The following NPC1 variants were observed in gnomAD, a reference collection of about 807,000 sequenced individuals.
NPC1 encodes NPC intracellular cholesterol transporter 1.
In NPC1, 85 loss-of-function variants were observed where a neutral mutation model predicts 140.4. The ratio of observed to expected loss-of-function variants is 0.61; its 90% CI spans 0.51 to 0.72. The LOEUF (loss-of-function observed/expected upper bound fraction) is 0.72. Ranked by LOEUF, NPC1 falls within the 30% of genes least tolerant of loss-of-function variation. The pLI is 0.00. For synonymous variants in NPC1, 656 were observed against 624.8 expected (o/e 1.05, Z -0.74); for missense variants, 1,504 against 1,623.8 (o/e 0.93, Z 1.27).
chr18:23,516,117 C>G, intron 3 of NPC1: 1 of 1,459,848 alleles, frequency 6.9e-7, no homozygotes, highest in South Asian at 1.2e-5. Context: ...ACCGCTCTGA[C>G]CACTAGAGGG....
chr18:23,561,796 C>T (rs1217002716), intron 4 of NPC1, among the ~76,000 whole-genome samples: 1 of 152,170 alleles, frequency 6.6e-6, no homozygotes, highest in Admixed American at 6.5e-5. Flanking sequence ...TCATAGCTCT[C>T]ACAACAGCTT....
intron 4 of NPC1, among the ~76,000 whole-genome samples, chr18:23,564,852 T>C (rs374050225): frequency 2.5e-4 from 38 of 152,326 alleles, no homozygotes; most frequent in African/African-American, 8.9e-4. Flanking sequence ...ACATATGGTG[T>C]GAAGTAGGGC....
Position 23,532,090 on chromosome 18 carries a change from C to A in NPC1, c.*112G>T. 1.9e-6 allele frequency: 3 copies of A among 1,612,384 alleles called. No homozygotes were observed. The highest frequency in any genetic ancestry group is 1.3e-5 in the African/African-American group (1 of 74,966). On this transcript the variant is annotated 3_prime_UTR_variant, in exon 25 of 25. Coordinates refer to ENST00000269228, the MANE Select transcript of NPC1 (RefSeq NM_000271.5). ...TACGTTCAAAGCTGCTGCCAAACAA[C>A]CGATGGTTGGCACCATCCGGTGTTC...
rs1048836391 is a variant in NPC1 at position 23,516,062 on chromosome 18, A to T, written c.432-9420T>A. The T allele has an allele frequency of 7.5e-6, 12 of 1,606,154 alleles. No individual in the cohort carries two copies. In the African/African-American group the frequency reaches 1.5e-4, roughly 20 times the overall value. ...TTGTCCCCTGTTCCTGTAGCATCCT[A>T]ATGTGTCAGGCACGTTAGGGACAGG... On this transcript the variant is annotated intron_variant, in intron 3 of 3. Coordinates refer to the NPC1 transcript ENST00000591107.
chr18:23,548,201 A>C, intron 10 of NPC1, 93 bp from the exon 11 acceptor site: 9 of 786,000 alleles, frequency 1.1e-5, no homozygotes, highest in Non-Finnish European at 1.8e-5. Flanking sequence ...CAGATTTCTC[A>C]CTGGAGCTAT....
chr18:23,507,333 C>T (rs2057740954), intron 3 of NPC1, among the ~76,000 whole-genome samples: 1 of 152,146 alleles, frequency 6.6e-6, no homozygotes, highest in South Asian at 2.1e-4. Context: ...GATCTCGGCT[C>T]ACTGCAGCCT....
In NPC1 at chr18:23,561,481, G is replaced by C. The variant is rs887908568; in HGVS notation, c.510C>G (p.Asp170Glu). ...TCCCACACAGGAGTCCCAGGGCCTT[G>C]TCATTACTTGAGGGGGCCTCCACAT... Reference protein sequence around the residue: ...CRDVEAPSSNDKALGLLCGKD... With the variant: ...CRDVEAPSSNEKALGLLCGKD... Residue 170 changes from aspartate (D) to glutamate (E), a missense_variant, in exon 5 of 25, where the codon GAC (aspartate) becomes GAG (glutamate). Transcript: ENST00000269228. The C allele has an allele frequency of 3.0e-5, 49 of 1,613,998 alleles. No individual in the cohort carries two copies. The East Asian group carries it at 1.1e-3, about 36-fold the overall frequency.
chr18:23,529,135 C>T (rs1312867608), downstream of NPC1: 1 of 1,594,392 alleles, frequency 6.3e-7, no homozygotes, highest in Non-Finnish European at 8.5e-7. Context: ...AGCACCCTTC[C>T]TCTAAGATGC....
chr18:23,565,364 T>C (rs534284630), intron 4 of NPC1, among the ~76,000 whole-genome samples: 70 of 152,324 alleles, frequency 4.6e-4, no homozygotes, highest in Non-Finnish European at 6.8e-4. Flanking sequence ...TTTTTCTGTT[T>C]TTCTTTTTTT....
At chr18:23,529,115 A>T, downstream of NPC1, 1 of 1,563,124 alleles carries the variant, frequency 6.4e-7, no homozygotes. Flanking sequence ...CTTGTGGATG[A>T]ACTGTAAACA....
chr18:23,572,444 GTTTTTTGT>G (rs1286796995), intron 2 of NPC1, among the ~76,000 whole-genome samples: 2 of 151,958 alleles, frequency 1.3e-5, no homozygotes, highest in South Asian at 2.1e-4. Context: ...TCTTCTTAGG[GTTTTTTGT>G]TTGTTTGATT....
downstream of NPC1, among the ~76,000 whole-genome samples, chr18:23,524,839 C>A (rs890091557): frequency 6.6e-6 from 1 of 151,264 alleles, no homozygotes; most frequent in East Asian, 2.0e-4. Context: ...CTTTTCTGTT[C>A]TGCATGAGCC....
chr18:23,567,992 CTCCTG>C (rs1423093394), intron 4 of NPC1, among the ~76,000 whole-genome samples: 3 of 152,164 alleles, frequency 2.0e-5, no homozygotes, highest in African/African-American at 7.2e-5. Context: ...TGCTTTTCCT[CTCCTG>C]TCTAGAAATC....
At chr18:23,576,617 G>A (rs2059283835) in intron 1 of NPC1, 2 of 363,990 alleles carry the variant, frequency 5.5e-6, no homozygotes, top group Admixed American at 1.3e-4. Flanking sequence ...CAGCTCTTAA[G>A]GTGGCGCGTC....
intron 10 of NPC1, among the ~76,000 whole-genome samples, chr18:23,549,653 A>G (rs1278385120): frequency 6.7e-6 from 1 of 148,626 alleles, no homozygotes; most frequent in Non-Finnish European, 1.5e-5. Context: ...AAATAAAATA[A>G]AAACCTTTTT....
At chr18:23,507,271 T>A (rs115898694) in intron 3 of NPC1, among the ~76,000 whole-genome samples, 2,174 of 151,990 alleles carry the variant, frequency 0.014, 43 homozygotes, top group African/African-American at 0.049. Context: ...AAATTAAAAA[T>A]TTTTTTTTGA....
At chr18:23,577,575 A>T (rs929140259) in intron 1 of NPC1, among the ~76,000 whole-genome samples, 2 of 152,192 alleles carry the variant, frequency 1.3e-5, no homozygotes, top group Admixed American at 6.5e-5. Context: ...CACCTAGTGG[A>T]TCCCGCACCG....
downstream of NPC1, among the ~76,000 whole-genome samples, chr18:23,525,298 A>G (rs1046805840): frequency 1.3e-5 from 2 of 151,972 alleles, no homozygotes; most frequent in African/African-American, 4.8e-5. Context: ...CCCAGCCTGG[A>G]GTGCAGTAGT....
At chr18:23,566,615 CTA>C (rs1301237729) in intron 4 of NPC1, among the ~76,000 whole-genome samples, 2 of 151,986 alleles carry the variant, frequency 1.3e-5, no homozygotes, top group East Asian at 3.9e-4. Context: ...CACACACACT[CTA>C]TAGATTCAGT....
Sources: allele counts gnomAD v4.1 joint callset (sites outside exome capture counted in the v4.1 genomes callset), GRCh38; gene constraint gnomAD v4.1.1; transcripts MANE v1.5; gene names NCBI Gene and HGNC (gene_info 2026-07-23, HGNC 2026-07-21).